The following SNX9 variants were observed in gnomAD, a reference collection of about 807,000 sequenced individuals.
SNX9 encodes sorting nexin-9.
In SNX9, 44 loss-of-function variants were observed where a neutral mutation model predicts 89.4. That is an observed-to-expected ratio of 0.49 (90% CI 0.39 to 0.63). SNX9 has a LOEUF of 0.63. SNX9 is among the 30% of genes least tolerant of loss of function. SNX9 has a pLI of 0.00. For missense variants in SNX9, 578 were observed against 736.1 expected (o/e 0.79, Z 2.49); for synonymous variants, 236 against 247.8 (o/e 0.95, Z 0.45).
At chr6:157,884,521 C>T (rs1204164829) in intron 4 of SNX9, among the ~76,000 whole-genome samples, 1 of 152,138 alleles carries the variant, frequency 6.6e-6, no homozygotes, top group African/African-American at 2.4e-5. Context: ...TTAGACATCT[C>T]GTAATTGCTT....
intron 1 of SNX9, among the ~76,000 whole-genome samples, chr6:157,831,345 A>G (rs1397958890): frequency 6.6e-6 from 1 of 152,228 alleles, no homozygotes; most frequent in Non-Finnish European, 1.5e-5. Flanking sequence ...TGGGGACATT[A>G]CATCCTTGGA....
chr6:157,866,324 C>T (rs1311014397), intron 1 of SNX9, among the ~76,000 whole-genome samples: 2 of 152,162 alleles, frequency 1.3e-5, no homozygotes, highest in Non-Finnish European at 2.9e-5. Flanking sequence ...TGGCTCACAC[C>T]TGTAACCCAA....
rs560053947 is a variant in SNX9, at chr6:157,937,305, C to T, written c.1444-129C>T. 5.7e-6 allele frequency: 3 copies of T among 526,778 alleles called. No homozygotes were observed. In the East Asian group the frequency reaches 9.3e-5, roughly 16 times the overall value. 32.6% of individuals were successfully genotyped at this position (526,778 alleles called of 1,614,324 possible). ...GTTATTTTCTTTTAGAAAAAGTGAT[C>T]TGAATGCTTAACACTCAATAATTTA... On this transcript the variant is annotated intron_variant, in intron 14 of 17. Coordinates refer to ENST00000392185, the MANE Select transcript of SNX9 (RefSeq NM_016224.5).
intron 14 of SNX9, 27 bp downstream of exon 14, chr6:157,936,067 T>G (rs1481555592): frequency 3.8e-6 from 6 of 1,571,384 alleles, no homozygotes; most frequent in Non-Finnish European, 5.2e-6. Flanking sequence ...ACAATTCCAA[T>G]TAAGATTTGT....
At chr6:157,918,932 A>G (rs1420734104) in intron 9 of SNX9, among the ~76,000 whole-genome samples, 4 of 152,088 alleles carry the variant, frequency 2.6e-5, no homozygotes, top group African/African-American at 4.8e-5. Context: ...TATGAATCCA[A>G]CAATACATTG....
intron 4 of SNX9, among the ~76,000 whole-genome samples, chr6:157,883,219 A>G (rs1269282265): frequency 6.6e-6 from 1 of 152,200 alleles, no homozygotes; most frequent in Non-Finnish European, 1.5e-5. Context: ...TTTAATTAAG[A>G]TATGTATTTT....
At chr6:157,912,552 G>A (rs1783370360) in intron 9 of SNX9, among the ~76,000 whole-genome samples, 1 of 152,202 alleles carries the variant, frequency 6.6e-6, no homozygotes, top group South Asian at 2.1e-4. Context: ...AAGCCGAACA[G>A]CACAGAAGGG....
At chr6:157,868,342 T>G (rs1191965414) in intron 2 of SNX9, among the ~76,000 whole-genome samples, 1 of 152,238 alleles carries the variant, frequency 6.6e-6, no homozygotes. Flanking sequence ...TATGTATACA[T>G]ATGTACACAT....
intron 15 of SNX9, 150 bp downstream of exon 15, chr6:157,937,673 T>G: frequency 5.0e-6 from 3 of 601,054 alleles, no homozygotes; most frequent in Middle Eastern, 5.9e-4. Context: ...ATTTTGACAT[T>G]GGTTTGGGGT....
Position 157,928,535 on chromosome 6 carries a change from C to T in SNX9, c.1185-64C>T, listed in dbSNP as rs142913709. 49 of 1,321,050 alleles carry T rather than the reference C, an allele frequency of 3.7e-5. 1 individual carries two copies. The Middle Eastern group carries it at 9.0e-4, about 24-fold the overall frequency. 81.8% of individuals were successfully genotyped at this position (1,321,050 alleles called of 1,614,324 possible). On this transcript the variant is annotated intron_variant, in intron 11 of 17. Coordinates refer to ENST00000392185, the MANE Select transcript of SNX9 (RefSeq NM_016224.5). ...CAAGTGTCTGTGGTTATATTTGGCC[C>T]GAGTATCCCCACAGCAGTGCTGTTT...
chr6:157,880,807 A>G (rs1409511961), intron 4 of SNX9, among the ~76,000 whole-genome samples: 6 of 152,214 alleles, frequency 3.9e-5, no homozygotes, highest in Non-Finnish European at 8.8e-5. Context: ...CAGACTGTCT[A>G]GGTTTTAATC....
At chr6:157,852,983 A>G (rs1365161500) in intron 1 of SNX9, among the ~76,000 whole-genome samples, 1 of 152,008 alleles carries the variant, frequency 6.6e-6, no homozygotes, top group East Asian at 1.9e-4. Context: ...GAAAAATTAA[A>G]TGGTGAGTTT....
At chr6:157,853,980 T>A (rs12194249) in intron 1 of SNX9, among the ~76,000 whole-genome samples, 84 of 152,326 alleles carry the variant, frequency 5.5e-4, no homozygotes, top group Non-Finnish European at 9.8e-4. Context: ...GTGTGAGGAT[T>A]TGAACCTATG....
chr6:157,838,336 A>G (rs1267815868), intron 1 of SNX9, among the ~76,000 whole-genome samples: 1 of 151,712 alleles, frequency 6.6e-6, no homozygotes, highest in African/African-American at 2.4e-5. Context: ...TTTTTTATTC[A>G]ACAGTCTCTC....
chr6:157,911,593 C>T (rs1002086548), intron 9 of SNX9, among the ~76,000 whole-genome samples: 2 of 152,118 alleles, frequency 1.3e-5, no homozygotes, highest in Non-Finnish European at 2.9e-5. Context: ...GATGAGGAAA[C>T]GGAAATCCAC....
At chr6:157,897,208 G>A (rs759747914) in intron 5 of SNX9, among the ~76,000 whole-genome samples, 6 of 152,132 alleles carry the variant, frequency 3.9e-5, no homozygotes, top group Non-Finnish European at 8.8e-5. Flanking sequence ...CTGTCTACCT[G>A]GAGTCAGATC....
At chr6:157,847,867 A>G (rs1168944579) in intron 1 of SNX9, among the ~76,000 whole-genome samples, 2 of 152,210 alleles carry the variant, frequency 1.3e-5, no homozygotes, top group Non-Finnish European at 2.9e-5. Context: ...ATTAATTTTT[A>G]TAACTCTCTT....
chr6:157,869,741 C>T (rs1367448850), intron 2 of SNX9, among the ~76,000 whole-genome samples: 2 of 152,124 alleles, frequency 1.3e-5, no homozygotes, highest in African/African-American at 4.8e-5. Flanking sequence ...TGAGACACCC[C>T]ACCATGGGCC....
intron 1 of SNX9, among the ~76,000 whole-genome samples, chr6:157,847,884 T>G (rs1781834744): frequency 6.6e-6 from 1 of 152,182 alleles, no homozygotes; most frequent in African/African-American, 2.4e-5. Flanking sequence ...TCTTGGTAAA[T>G]GTACCTTTGC....
Sources: gnomAD v4.1 joint callset for allele counts (sites outside exome capture counted in the v4.1 genomes callset) on GRCh38, gnomAD v4.1.1 for gene constraint, MANE v1.5 for transcripts, NCBI Gene and HGNC (gene_info 2026-07-23, HGNC 2026-07-21) for gene names.